The following TGFBI variants were observed in gnomAD, a reference collection of about 807,000 sequenced individuals.
TGFBI encodes transforming growth factor-beta-induced protein ig-h3.
TGFBI carries 50 observed loss-of-function variants against 73.7 expected under a neutral mutation model. The observed-to-expected ratio is 0.68, with a 90% CI of 0.54 to 0.86. The LOEUF is 0.86. Among genes scored for constraint, TGFBI ranks in the 40% least tolerant of loss-of-function variants. TGFBI has a pLI of 0.00. For synonymous variants in TGFBI, 362 were observed against 360.5 expected (o/e 1.00, Z -0.05); for missense variants, 839 against 877.0 (o/e 0.96, Z 0.55).
At chr5:136,042,812 A>G (rs1580712467) in intron 2 of TGFBI, among the ~76,000 whole-genome samples, 1 of 152,290 alleles carries the variant, frequency 6.6e-6, no homozygotes, top group East Asian at 1.9e-4. Context: ...TGGAGAACAG[A>G]TGAATCAGGC....
In TGFBI at chr5:136,049,468, G is replaced by C. The variant is rs200535601; in HGVS notation, c.801G>C (p.Thr267=). ...RAAVAASGLN[T]MLEGNGQYTL... ...CTGTGGCTGCATCAGGGCTCAACAC[G>C]ATGCTTGAAGGTAACGGCCAGTACA... The change falls in exon 7 of 17, where the codon ACG becomes ACC. Residue 267 remains threonine, a synonymous_variant. Coordinates refer to ENST00000442011, the MANE Select transcript of TGFBI (RefSeq NM_000358.3). 8.7e-6 allele frequency: 14 copies of C among 1,613,964 alleles called. No homozygotes were observed. In the East Asian group the frequency reaches 3.1e-4, roughly 36 times the overall value.
At chr5:136,031,152 G>C (rs2126901086) in intron 1 of TGFBI, among the ~76,000 whole-genome samples, 1 of 152,298 alleles carries the variant, frequency 6.6e-6, no homozygotes, top group South Asian at 2.1e-4. Flanking sequence ...GAGCACCCCT[G>C]TCCCAGTAGA....
At chr5:136,062,752 A>C (rs1312414813) in intron 16 of TGFBI, 65 bp downstream of exon 16, 1 of 1,511,598 alleles carries the variant, frequency 6.6e-7, no homozygotes, top group East Asian at 2.4e-5. Flanking sequence ...AGCAAGCCCA[A>C]GCCTGCCATC....
At chr5:136,041,727 C>G (rs1751342770) in intron 2 of TGFBI, among the ~76,000 whole-genome samples, 1 of 152,134 alleles carries the variant, frequency 6.6e-6, no homozygotes, top group South Asian at 2.1e-4. Context: ...AACCCCCAAC[C>G]TCCATTTCTC....
At chr5:136,047,227 A>G in intron 5 of TGFBI, 47 bp from the exon 6 acceptor site, 1 of 1,605,894 alleles carries the variant, frequency 6.2e-7, no homozygotes, top group Non-Finnish European at 8.5e-7. Flanking sequence ...CTTTGGGACT[A>G]TGCCTCTGTT....
chr5:136,055,389 C>T (rs1026233651), intron 10 of TGFBI: 17 of 306,980 alleles, frequency 5.5e-5, no homozygotes, highest in Admixed American at 2.7e-4. Context: ...ATGGGTTCAA[C>T]GTATTTATTT....
chr5:136,047,169 C>T (rs1580714852), intron 5 of TGFBI, 105 bp from the exon 6 acceptor site: 1 of 1,544,072 alleles, frequency 6.5e-7, no homozygotes, highest in South Asian at 1.2e-5. Context: ...GCTTGTGGAA[C>T]CCACATTTTG....
rs79724584 is a variant in TGFBI, at chr5:136,061,808, G to A, written c.1986+229G>A. On this transcript the variant is annotated intron_variant, in intron 15 of 16. Coordinates refer to ENST00000442011, the MANE Select transcript of TGFBI (RefSeq NM_000358.3). ...GGGCCAAAGCGCAGGCTTTCACACC[G>A]AGGCCTCTGAGCCTCAGATCATGGG... 3.2e-3 allele frequency among the ~76,000 whole-genome samples: 489 copies of A among 152,310 alleles called. 4 individuals are homozygous for A. The highest frequency in any genetic ancestry group is 0.012 in the African/African-American group (480 of 41,560).
chr5:136,047,139 C>A, intron 5 of TGFBI, 124 bp downstream of exon 5: 1 of 1,519,616 alleles, frequency 6.6e-7, no homozygotes, highest in East Asian at 2.3e-5. Context: ...CCTGCTTCTC[C>A]TTGGGCCCTC....
At position 136,029,146 on chromosome 5, in the gene TGFBI, C is replaced by G; in HGVS notation, c.91C>G (p.Gln31Glu). 1 of 1,524,460 alleles carries G rather than the reference C, an allele frequency of 6.6e-7. No homozygotes were observed. Among genetic ancestry groups the G allele is most frequent in the Non-Finnish European group, 8.8e-7 (1 of 1,142,726 alleles). The allele number at this position is 1,524,460 out of a possible 1,614,324, so 94.4% of individuals were successfully genotyped here. Residue 31 changes from glutamine (Q) to glutamate (E), a missense_variant, in exon 1 of 17, where the codon CAG (glutamine) becomes GAG (glutamate). By Grantham distance (29) the Gln-to-Glu change is conservative (BLOSUM62 2). Transcript: ENST00000442011. ...GGCGGGTCCCGCCAAGTCGCCCTAC[C>G]AGCTGGTGCTGCAGCACAGCAGGCT... Reference protein sequence around the residue: ...TLAGPAKSPYQLVLQHSRLRG... With the variant: ...TLAGPAKSPYELVLQHSRLRG...
rs201709971 is a variant in TGFBI, at chr5:136,052,993, A to G, written c.1000A>G (p.Thr334Ala). The G allele has an allele frequency of 3.8e-4, 620 of 1,613,920 alleles. No individual in the cohort carries two copies. The highest frequency in any genetic ancestry group is 4.9e-4 in the Non-Finnish European group (583 of 1,179,902). Residue 334 changes from threonine (T) to alanine (A), a missense_variant, in exon 8 of 17, where the codon ACA becomes GCA. Physicochemically the swap from Thr to Ala is moderately conservative, Grantham distance 58 (BLOSUM62 0). Coordinates refer to ENST00000442011, the MANE Select transcript of TGFBI (RefSeq NM_000358.3). ...GLSVETLEGT[T>A]LEVGCSGDML... ...GTCTGTAGAGACCCTGGAGGGCACG[A>G]CACTGGAGGTGGGCTGCAGCGGGGA...
At chr5:136,036,163 G>A (rs1202044322) in intron 2 of TGFBI, among the ~76,000 whole-genome samples, 1 of 152,198 alleles carries the variant, frequency 6.6e-6, no homozygotes, top group East Asian at 1.9e-4. Context: ...TGGTGGCGCA[G>A]CTCCCTTACC....
chr5:136,062,856 C>T (rs45511798), intron 16 of TGFBI, among the ~76,000 whole-genome samples, 169 bp downstream of exon 16: 4,663 of 152,256 alleles, frequency 0.031, 240 homozygotes, highest in African/African-American at 0.11. Flanking sequence ...ACCCAGAGCA[C>T]CCCATTTCCT....
At chr5:136,063,075 G>C in intron 16 of TGFBI, 111 bp from the exon 17 acceptor site, 1 of 939,806 alleles carries the variant, frequency 1.1e-6, no homozygotes, top group Non-Finnish European at 1.7e-6. Context: ...ATGTGCAGGA[G>C]AGCATGGCAG....
intron 11 of TGFBI, among the ~76,000 whole-genome samples, chr5:136,056,285 C>T (rs1751630819): frequency 6.6e-6 from 1 of 152,202 alleles, no homozygotes; most frequent in Admixed American, 6.5e-5. Flanking sequence ...GAATGTTTCC[C>T]TGTCACTGAC....
intron 16 of TGFBI, among the ~76,000 whole-genome samples, chr5:136,062,959 G>A (rs187565879): frequency 5.0e-4 from 76 of 152,308 alleles, no homozygotes; most frequent in Middle Eastern, 3.4e-3. Context: ...AAAGGGCTTG[G>A]CAGGAACCCA....
chr5:136,056,452 T>C (rs1751633219), intron 11 of TGFBI: 2 of 580,384 alleles, frequency 3.4e-6, no homozygotes, highest in South Asian at 4.3e-5. Flanking sequence ...TTAACAGAGC[T>C]TAGCATTTTT....
intron 3 of TGFBI, 93 bp downstream of exon 3, chr5:136,044,215 T>A: frequency 9.4e-7 from 1 of 1,062,770 alleles, no homozygotes; most frequent in East Asian, 2.5e-5. Flanking sequence ...AGAGTGTGAA[T>A]GGGGGCAGTG....
At chr5:136,056,943 C>A in intron 12 of TGFBI, 148 bp downstream of exon 12, 1 of 1,136,160 alleles carries the variant, frequency 8.8e-7, no homozygotes, top group Non-Finnish European at 1.2e-6. Flanking sequence ...ACTAAAGGAA[C>A]TAGCAAAGGA....
Sources: allele counts gnomAD v4.1 joint callset (sites outside exome capture counted in the v4.1 genomes callset), GRCh38; gene constraint gnomAD v4.1.1; transcripts MANE v1.5; gene names NCBI Gene and HGNC (gene_info 2026-07-23, HGNC 2026-07-21).